Variants in NOC3L observed in about 807,000 individuals in gnomAD.
The protein encoded by NOC3L is nucleolar complex protein 3 homolog.
In NOC3L, 85 loss-of-function variants were observed where a neutral mutation model predicts 102.5. The ratio of observed to expected loss-of-function variants is 0.83; its 90% CI spans 0.70 to 0.99. The LOEUF (loss-of-function observed/expected upper bound fraction) is 0.99, where lower values mean the gene tolerates loss of function less well. Ranked by LOEUF, NOC3L falls within the 50% of genes least tolerant of loss-of-function variation. The pLI is 0.00. For missense variants in NOC3L, 878 were observed against 914.9 expected (o/e 0.96, Z 0.52); for synonymous variants, 303 against 309.4 (o/e 0.98, Z 0.22).
downstream of NOC3L, chr10:94,332,782 G>A (rs2054175446): frequency 6.6e-6 from 1 of 152,100 alleles, no homozygotes. Flanking sequence ...AAGTATAAAT[G>A]TATTTGTATA....
In NOC3L at chr10:94,357,310, T is replaced by C. The variant is rs2054499588; in HGVS notation, c.372A>G (p.Lys124=). Reference sequence around the variant, plus strand: ...TATCTATAATGCGTTCATGCTTCCGTTTCTTCGCATGAACAGGCTCACTGC... The same window carrying C: ...TATCTATAATGCGTTCATGCTTCCGCTTCTTCGCATGAACAGGCTCACTGC... ...LSSSEPVHAK[K]RKHERIIDKY... Residue 124 remains lysine (K), a synonymous_variant, in exon 4 of 21, where the codon AAA becomes AAG. Transcript: ENST00000371361. 4 of 1,599,476 alleles carry C rather than the reference T, an allele frequency of 2.5e-6. No individual in the cohort carries two copies. Among genetic ancestry groups the C allele is most frequent in the Non-Finnish European group, 3.4e-6 (4 of 1,173,550 alleles).
Position 94,352,935 on chromosome 10 carries a change from A to T in NOC3L, c.819T>A (p.Tyr273Ter). The T allele has an allele frequency of 1.2e-6, 2 of 1,613,818 alleles. No homozygotes were observed. Among genetic ancestry groups the T allele is most frequent in the Non-Finnish European group, 1.7e-6 (2 of 1,179,744 alleles). Reference sequence around the variant, plus strand: ...CTGCTTCTGTGAGGGGCCGGATTTTATATGAAGGAGTAATATCTTTAAATA... The same window carrying T: ...CTGCTTCTGTGAGGGGCCGGATTTTTTATGAAGGAGTAATATCTTTAAATA... ...MELFKDITPSYKIRPLTEAEK... is the reference protein window; with the variant it reads ...MELFKDITPS The change falls in exon 7 of 21, where the codon TAT becomes TAA. Residue 273 changes from tyrosine to a stop codon, truncating the protein, a stop_gained. Transcript: ENST00000371361. LOFTEE classifies it high-confidence loss of function.
At chr10:94,357,449 G>T (rs1314024659) in intron 3 of NOC3L, 118 bp from the exon 4 acceptor site, 1 of 721,244 alleles carries the variant, frequency 1.4e-6, no homozygotes, top group Non-Finnish European at 2.0e-6. Flanking sequence ...TATATGGATA[G>T]TAGCACTTAG....
intron 19 of NOC3L, among the ~76,000 whole-genome samples, chr10:94,337,064 A>G (rs1234214887): frequency 2.0e-5 from 3 of 147,270 alleles, no homozygotes; most frequent in African/African-American, 7.7e-5. Context: ...GTGAGACTCC[A>G]TCTCAAAAAA....
intron 20 of NOC3L, 79 bp from the exon 21 acceptor site, chr10:94,334,384 G>A (rs2054193359): frequency 1.1e-6 from 1 of 873,714 alleles, no homozygotes; most frequent in African/African-American, 1.7e-5. Context: ...AGTTGAAAAT[G>A]GCAACAGCTG....
chr10:94,314,932 T>A, the NOC3L span: 18 of 152,844 alleles, frequency 1.2e-4, no homozygotes, highest in African/African-American at 4.1e-4. Context: ...TTTTAATACA[T>A]CAGTCCATGT....
In NOC3L at chr10:94,358,181, T is replaced by C. The variant is rs140253386; in HGVS notation, c.252A>G (p.Glu84=). 1.2e-6 allele frequency: 2 copies of C among 1,601,952 alleles called. No individual in the cohort carries two copies. The highest frequency in any genetic ancestry group is 1.1e-5 in the South Asian group (1 of 90,900). ...KRIEREEEEE[E]EALPLDMMDE... is the part of the protein sequence containing the mutation. ...CCATCATATCTAAAGGAAGGGCTTCTTCTTCTTCCTCTTCTTCCCTCTCAA... is the reference window on the plus strand; with the variant it reads ...CCATCATATCTAAAGGAAGGGCTTCCTCTTCTTCCTCTTCTTCCCTCTCAA... Residue 84 remains glutamate (E), a synonymous_variant, in exon 3 of 21, where the codon GAA becomes GAG. Transcript: ENST00000371361.
chr10:94,316,366 G>A, the NOC3L span, among the ~76,000 whole-genome samples: 1 of 152,156 alleles, frequency 6.6e-6, no homozygotes, highest in Non-Finnish European at 1.5e-5. Flanking sequence ...GTTGCCCGGA[G>A]TGAACATAAA....
chr10:94,355,937 G>A (rs555430851), intron 5 of NOC3L, among the ~76,000 whole-genome samples: 3 of 152,222 alleles, frequency 2.0e-5, no homozygotes, highest in African/African-American at 7.2e-5. Context: ...TTTATGATGG[G>A]TGACTGAAAA....
chr10:94,330,938 T>A (rs2054150377), downstream of NOC3L: 1 of 152,180 alleles, frequency 6.6e-6, no homozygotes. Context: ...TGGACAAGAA[T>A]CTAAATATGC....
In NOC3L at chr10:94,362,914, A is replaced by C. The variant is rs377119142; in HGVS notation, c.-76T>G. ...TACTACAGAAATCCCGGGGAATGACACACGTGCCGAAGTCCCTACACTACC... is the reference window on the plus strand; with the variant it reads ...TACTACAGAAATCCCGGGGAATGACCCACGTGCCGAAGTCCCTACACTACC... On this transcript the variant is annotated 5_prime_UTR_variant, in exon 1 of 21. Coordinates refer to ENST00000371361, the MANE Select transcript of NOC3L (RefSeq NM_022451.11). 1 of 1,611,612 alleles carries C rather than the reference A, an allele frequency of 6.2e-7. No homozygotes were observed.
At chr10:94,343,563 A>G (rs560380047) in intron 13 of NOC3L, among the ~76,000 whole-genome samples, 2 of 152,346 alleles carry the variant, frequency 1.3e-5, no homozygotes, top group East Asian at 1.9e-4. Flanking sequence ...TGCCTTTTCT[A>G]TATCTTCTAG....
the NOC3L span, among the ~76,000 whole-genome samples, chr10:94,326,845 A>G: frequency 1.3e-5 from 2 of 152,112 alleles, no homozygotes; most frequent in African/African-American, 4.8e-5. Context: ...TCATTCTGTT[A>G]ACTTCACAGC....
chr10:94,324,959 C>T, the NOC3L span: 6 of 1,614,210 alleles, frequency 3.7e-6, no homozygotes, highest in Admixed American at 1.0e-4. Flanking sequence ...ACCAAGTCAA[C>T]TAAACAGCCC....
At chr10:94,342,786 A>G (rs891708532) in intron 13 of NOC3L, among the ~76,000 whole-genome samples, 2 of 151,814 alleles carry the variant, frequency 1.3e-5, no homozygotes, top group African/African-American at 2.4e-5. Flanking sequence ...TTCCATTTGC[A>G]TGAAAGATGG....
the NOC3L span, among the ~76,000 whole-genome samples, chr10:94,322,739 C>A: frequency 1.6e-4 from 25 of 151,570 alleles, no homozygotes; most frequent in Non-Finnish European, 2.1e-4. Context: ...GAGCCGAGAT[C>A]ATGCCATTGC....
chr10:94,334,904 T>C (rs1246874252), intron 19 of NOC3L, among the ~76,000 whole-genome samples, 186 bp from the exon 20 acceptor site: 1 of 152,212 alleles, frequency 6.6e-6, no homozygotes, highest in African/African-American at 2.4e-5. Context: ...ATTATCCAAC[T>C]AAATCCACCT....
chr10:94,316,795 A>C, the NOC3L span: 1 of 1,434,378 alleles, frequency 7.0e-7, no homozygotes, highest in African/African-American at 1.4e-5. Context: ...GTAACGACTC[A>C]TTATGTGATT....
intron 6 of NOC3L, among the ~76,000 whole-genome samples, chr10:94,353,308 G>A (rs1417100306): frequency 6.6e-6 from 1 of 152,192 alleles, no homozygotes; most frequent in Non-Finnish European, 1.5e-5. Context: ...ATAAAGAAAA[G>A]AGGTTTATTT....
Sources: gnomAD v4.1 joint callset for allele counts (sites outside exome capture counted in the v4.1 genomes callset) on GRCh38, gnomAD v4.1.1 for gene constraint, MANE v1.5 for transcripts, NCBI Gene and HGNC (gene_info 2026-07-23, HGNC 2026-07-21) for gene names.